The following RESP18 variants were observed in gnomAD, a reference collection of about 807,000 sequenced individuals.
RESP18 encodes the protein regulated endocrine-specific protein 18.
A neutral mutation model predicts 30.0 loss-of-function variants in RESP18; 30 were observed. The ratio of observed to expected loss-of-function variants is 1.00; its 90% CI spans 0.75 to 1.36. The LOEUF is 1.36. Ranked by LOEUF, RESP18 falls within the 40% of genes most tolerant of loss-of-function variation. RESP18 has a pLI of 0.00. For missense variants in RESP18, 320 were observed against 284.2 expected (o/e 1.13, Z -0.91); for synonymous variants, 117 against 111.2 (o/e 1.05, Z -0.33).
chr2:219,332,721 C>T lies in RESP18; in HGVS notation c.35G>A (p.Trp12Ter), dbSNP rs1375008025. The T allele has an allele frequency of 1.0e-5, 16 of 1,546,208 alleles. No individual in the cohort carries two copies. In the Admixed American group the frequency reaches 2.2e-4, roughly 21 times the overall value. The change falls in exon 2 of 7, where the codon TGG becomes TAG. Residue 12 changes from tryptophan (W) to a stop codon, truncating the protein, a stop_gained. Transcript: ENST00000333527. LOFTEE classifies it high-confidence loss of function. ...GCTGAGCGGGGCTGCAGCTTCCCAC[C>T]AGCCCGCGACTCCGAATCTGTTTAA...
Position 219,332,552 on chromosome 2 carries a change from CG to C in RESP18, c.203del (p.Pro68ArgfsTer16). On this transcript the variant is annotated frameshift_variant, in exon 2 of 7. Transcript: ENST00000333527. LOFTEE classifies it high-confidence loss of function. The stretch of plus-strand genomic sequence containing the variant: ...GGGCACTAGTGTCGCTGCAGCCCCC[CG>C]GGCAGCTGTTCAGCAGCAGGAAGCA... 6.4e-7 allele frequency: 1 copy of C among 1,551,298 alleles called. No individual in the cohort carries two copies. Among genetic ancestry groups the C allele is most frequent in the Non-Finnish European group, 8.7e-7 (1 of 1,146,958 alleles).
At chr2:219,328,036 C>A (rs1952791479) in intron 6 of RESP18, among the ~76,000 whole-genome samples, 1 of 152,200 alleles carries the variant, frequency 6.6e-6, no homozygotes, top group Non-Finnish European at 1.5e-5. Flanking sequence ...CTGCCACCAC[C>A]CAAATTCAAG....
chr2:219,327,524 C>A lies in RESP18; in HGVS notation c.680G>T (p.Cys227Phe), dbSNP rs1559314649. Residue 227 changes from cysteine to phenylalanine, a missense_variant, in exon 7 of 7, where the codon TGT becomes TTT. Transcript: ENST00000333527. ...CTTCACATGAGGTCTCAATCAGCCA[C>A]AGGGTTGCGGCCCACAGTAGGAAGT... 2 of 1,551,628 alleles carry A rather than the reference C, an allele frequency of 1.3e-6. No individual in the cohort carries two copies. Among genetic ancestry groups the A allele is most frequent in the Non-Finnish European group, 1.7e-6 (2 of 1,146,938 alleles).
At chr2:219,331,131 A>G (rs1233698625) in intron 2 of RESP18, 2 of 390,190 alleles carry the variant, frequency 5.1e-6, no homozygotes, top group Non-Finnish European at 9.3e-6. Flanking sequence ...AGCAGCCTGT[A>G]GAAGTTCAGA....
intron 4 of RESP18, 113 bp downstream of exon 3, chr2:219,329,524 G>GC: frequency 2.9e-6 from 4 of 1,365,874 alleles, no homozygotes; most frequent in Non-Finnish European, 3.9e-6. Flanking sequence ...CAGGACCTCT[G>GC]AATTCTCACA....
intron 6 of RESP18, among the ~76,000 whole-genome samples, chr2:219,328,303 A>G (rs1430441518): frequency 3.3e-5 from 5 of 152,124 alleles, no homozygotes; most frequent in African/African-American, 9.7e-5. Context: ...ATCTTTGACC[A>G]CTGACTTTTC....
Position 219,332,623 on chromosome 2 carries a change from G to A in RESP18, c.133C>T (p.His45Tyr). 6.4e-7 allele frequency: 1 copy of A among 1,551,468 alleles called. No individual in the cohort carries two copies. The highest frequency in any genetic ancestry group is 1.4e-5 in the African/African-American group (1 of 73,156). The change falls in exon 2 of 7, where the codon CAC (histidine) becomes TAC (tyrosine). Residue 45 changes from histidine to tyrosine, a missense_variant. Physicochemically the swap from His to Tyr is moderately conservative, Grantham distance 83 (BLOSUM62 2). Transcript: ENST00000333527. ...TCGGAGCTCCCAGGCCACAGTGGGTGCTGTATCCTCCCAGGCTCGGCGCGC... is the reference window on the plus strand; with the variant it reads ...TCGGAGCTCCCAGGCCACAGTGGGTACTGTATCCTCCCAGGCTCGGCGCGC...
intron 2 of RESP18, among the ~76,000 whole-genome samples, chr2:219,331,849 C>T (rs765341330): frequency 2.0e-5 from 3 of 152,240 alleles, no homozygotes; most frequent in African/African-American, 7.2e-5. Context: ...CCCCACGGCC[C>T]TCATCCTCTC....
chr2:219,330,701 C>T (rs1450366371), intron 3 of RESP18, 70 bp downstream of exon 2: 7 of 946,200 alleles, frequency 7.4e-6, no homozygotes, highest in African/African-American at 3.3e-5. Context: ...ACCCTCAGGT[C>T]GGATAGCCCC....
chr2:219,330,574 A>G (rs1290006130), intron 3 of RESP18, among the ~76,000 whole-genome samples, 197 bp downstream of exon 2: 1 of 150,144 alleles, frequency 6.7e-6, no homozygotes, highest in Non-Finnish European at 1.5e-5. Flanking sequence ...GGGCTCTTCC[A>G]AGGTGTTCTA....
At chr2:219,327,616 C>T in intron 6 of RESP18, 53 bp from the exon 6 acceptor site, 1 of 1,420,920 alleles carries the variant, frequency 7.0e-7, no homozygotes, top group Non-Finnish European at 9.7e-7. Flanking sequence ...ACAGTGGCTC[C>T]TCCCTCATCT....
rs868707863 is a variant in RESP18 at position 219,330,840 on chromosome 2, G to A, written c.268C>T (p.Pro90Ser). ...ACTGGGGTGGCAAATCCTTGGAGGG[G>A]CCAAAGCTGCCCCACTCCTACTTGG... Residue 90 changes from proline (P) to serine (S), a missense_variant, in exon 3 of 7, where the codon CCC becomes TCC. By Grantham distance (74) the Pro-to-Ser change is moderately conservative. Transcript: ENST00000333527. The A allele has an allele frequency of 6.4e-7, 1 of 1,551,472 alleles. No individual in the cohort carries two copies. Among genetic ancestry groups the A allele is most frequent in the Admixed American group, 2.0e-5 (1 of 51,004 alleles).
At position 219,329,488 on chromosome 2, in the gene RESP18, T is replaced by C. The variant is rs887594432; in HGVS notation, c.465+149A>G. ...CTTTGCAGATATCACTAATGGATCA[T>C]GAAATTCTTCTCTGCTGATTCCAAA... On this transcript the variant is annotated intron_variant, in intron 4 of 6. Transcript: ENST00000333527. 53 of 1,547,636 alleles carry C rather than the reference T, an allele frequency of 3.4e-5. 1 individual carries two copies. Among genetic ancestry groups the C allele is most frequent in the Non-Finnish European group, 4.2e-5 (48 of 1,145,212 alleles).
At chr2:219,329,075 G>C (rs949798769) in intron 5 of RESP18, 67 bp from the exon 5 acceptor site, 1 of 1,465,822 alleles carries the variant, frequency 6.8e-7, no homozygotes, top group African/African-American at 1.4e-5. Flanking sequence ...GCAGCGATCT[G>C]CCCTCACCTC....
intron 3 of RESP18, among the ~76,000 whole-genome samples, chr2:219,330,448 G>C (rs1346053870): frequency 6.6e-6 from 1 of 152,010 alleles, no homozygotes; most frequent in East Asian, 1.9e-4. Flanking sequence ...AGAACTTGAA[G>C]AGTCCTGGCT....
chr2:219,330,976 G>A (rs1952824921), intron 2 of RESP18, 101 bp from the exon 2 acceptor site: 1 of 723,202 alleles, frequency 1.4e-6, no homozygotes, highest in Non-Finnish European at 2.5e-6. Context: ...CTGGACCCCT[G>A]ACCTCTGTTC....
chr2:219,327,449 C>G lies in RESP18; in HGVS notation c.*68G>C, dbSNP rs568185985. On this transcript the variant is annotated 3_prime_UTR_variant, in exon 7 of 7. Transcript: ENST00000333527. ...TTTAATGATTCAAATCTGGGTCATC[C>G]AAGAACTGCTCCTCTGAAGGGCAAT... is the stretch of plus-strand genomic sequence containing the variant. The G allele has an allele frequency of 4.5e-5, 62 of 1,389,296 alleles. No homozygotes were observed. The South Asian group carries it at 6.7e-4, about 15-fold the overall frequency. The allele number at this position is 1,389,296 out of a possible 1,614,324, so 86.1% of individuals were successfully genotyped here. A position where few individuals can be genotyped will look rare whatever the true frequency, so the allele number is the denominator to read the frequency against.
In RESP18 at chr2:219,329,257, G is replaced by A. The variant is rs1330327803; in HGVS notation, c.466-5C>T. On this transcript the variant is annotated splice_polypyrimidine_tract_variant and splice_region_variant and intron_variant, in intron 4 of 6. Transcript: ENST00000333527. ...GTTCACCTTGGCCAGGGGGCTCTGT[G>A]AGGAGGGAAACCAGGAGTCAAGGAG... 1 of 1,551,692 alleles carries A rather than the reference G, an allele frequency of 6.4e-7. No individual in the cohort carries two copies.
Position 219,329,733 on chromosome 2 carries a change from A to G in RESP18, c.369T>C (p.Asp123=). 2.6e-6 allele frequency: 4 copies of G among 1,551,702 alleles called. No homozygotes were observed. Among genetic ancestry groups the G allele is most frequent in the Non-Finnish European group, 3.5e-6 (4 of 1,147,004 alleles). Residue 123 remains aspartate, a synonymous_variant, in exon 4 of 7, where the codon GAT becomes GAC. Transcript: ENST00000333527. ...CATGCTCCATCTTTTGGATCATTGCATCCTGGGTGATGTCATCCTTCCAGA... is the reference window on the plus strand; with the variant it reads ...CATGCTCCATCTTTTGGATCATTGCGTCCTGGGTGATGTCATCCTTCCAGA...
Sources: gnomAD v4.1 joint callset for allele counts (sites outside exome capture counted in the v4.1 genomes callset) on GRCh38, gnomAD v4.1.1 for gene constraint, MANE v1.5 for transcripts, NCBI Gene and HGNC (gene_info 2026-07-23, HGNC 2026-07-21) for gene names.